BOC: variants seen among roughly 807,000 people sequenced by gnomAD.
BOC encodes BOC cell adhesion associated, oncogene regulated.
In BOC, 76 loss-of-function variants were observed where a neutral mutation model predicts 112.0. The ratio of observed to expected loss-of-function variants is 0.68; its 90% CI spans 0.56 to 0.82. The LOEUF (loss-of-function observed/expected upper bound fraction) is 0.82, where lower values mean the gene tolerates loss of function less well. Among genes scored for constraint, BOC ranks in the 40% least tolerant of loss-of-function variants. The pLI, the probability that BOC is intolerant of heterozygous loss-of-function variation, is 0.00. For synonymous variants in BOC, 580 were observed against 599.8 expected (o/e 0.97, Z 0.48); for missense variants, 1,309 against 1,511.7 (o/e 0.87, Z 2.22).
rs372622221 is a variant in BOC at position 113,279,859 on chromosome 3, A to G, written c.2059A>G (p.Met687Val). The G allele has an allele frequency of 1.2e-5, 20 of 1,611,854 alleles. No homozygotes were observed. Among genetic ancestry groups the G allele is most frequent in the Non-Finnish European group, 1.6e-5 (19 of 1,178,904 alleles). The change falls in exon 13 of 20, where the codon ATG becomes GTG. Residue 687 changes from methionine to valine, a missense_variant. Transcript: ENST00000682979. ...CAAGTTTCGAGTCCGGGCTCTGAAC[A>G]TGCTGGGGGAGAGCGAGCCCAGCGC... ...SYKFRVRALN[M>V]LGESEPSAPS...
At chr3:113,237,332 C>G (rs971103252) in intron 2 of BOC, among the ~76,000 whole-genome samples, 2 of 152,136 alleles carry the variant, frequency 1.3e-5, no homozygotes, top group African/African-American at 2.4e-5. Flanking sequence ...ATGCTCTTTT[C>G]TTGATCTTCT....
intron 4 of BOC, among the ~76,000 whole-genome samples, chr3:113,260,467 A>G (rs924839672): frequency 2.0e-5 from 3 of 152,162 alleles, no homozygotes; most frequent in Non-Finnish European, 2.9e-5. Context: ...CCTCAGGGAG[A>G]TGCCAGTGAA....
chr3:113,277,890 G>C (rs540418557), intron 9 of BOC, among the ~76,000 whole-genome samples: 1 of 152,368 alleles, frequency 6.6e-6, no homozygotes, highest in Non-Finnish European at 1.5e-5. Context: ...GAGGGATCAG[G>C]GAGCCTGACT....
chr3:113,224,617 C>T (rs1466788649), intron 2 of BOC, among the ~76,000 whole-genome samples: 1 of 152,152 alleles, frequency 6.6e-6, no homozygotes, highest in African/African-American at 2.4e-5. Context: ...GAAAAGCTCT[C>T]AGGGCTGAGG....
At chr3:113,277,989 C>A in intron 9 of BOC, 106 bp from the exon 10 acceptor site, 1 of 1,423,070 alleles carries the variant, frequency 7.0e-7, no homozygotes. Flanking sequence ...TATCGTCCTT[C>A]CCCTTCTCCT....
chr3:113,268,375 C>T lies in BOC; in HGVS notation c.453C>T (p.His151=), dbSNP rs963728246. 3 of 1,614,064 alleles carry T rather than the reference C, an allele frequency of 1.9e-6. No individual in the cohort carries two copies. The highest frequency in any genetic ancestry group is 2.5e-6 in the Non-Finnish European group (3 of 1,180,030). ...DEGNTAVIAC[H]LPESHPKAQV... is the part of the protein sequence containing the mutation. ...GAAACACAGCAGTCATTGCCTGCCA[C>T]CTGCCTGAGAGCCACCCCAAAGCCC... The change falls in exon 5 of 20, where the codon CAC becomes CAT. Residue 151 remains histidine, a synonymous_variant. Coordinates refer to ENST00000682979, the MANE Select transcript of BOC (RefSeq NM_001378074.1).
intron 2 of BOC, among the ~76,000 whole-genome samples, chr3:113,230,840 C>T (rs182419539): frequency 1.4e-3 from 219 of 152,316 alleles, no homozygotes; most frequent in African/African-American, 5.0e-3. Flanking sequence ...ACTTGCTCAA[C>T]ATGACTATTT....
At chr3:113,214,145 G>A (rs1938831848) in intron 1 of BOC, among the ~76,000 whole-genome samples, 1 of 152,210 alleles carries the variant, frequency 6.6e-6, no homozygotes, top group Non-Finnish European at 1.5e-5. Context: ...GAGGGAGGGT[G>A]TGGGGAAAAA....
At chr3:113,282,375 C>A (rs1048093313) in intron 15 of BOC, among the ~76,000 whole-genome samples, 2 of 152,118 alleles carry the variant, frequency 1.3e-5, no homozygotes, top group Non-Finnish European at 2.9e-5. Context: ...CCAGGGTCAG[C>A]TTGCATGCTA....
chr3:113,225,286 C>CAAAAAA (rs1359097470), intron 2 of BOC, among the ~76,000 whole-genome samples: 3 of 147,712 alleles, frequency 2.0e-5, no homozygotes, highest in Non-Finnish European at 4.5e-5. Context: ...AAAAAAACAA[C>CAAAAAA]AAAAAAAAAC....
chr3:113,214,510 G>C (rs1045187843), intron 1 of BOC, among the ~76,000 whole-genome samples: 13 of 152,188 alleles, frequency 8.5e-5, no homozygotes, highest in Non-Finnish European at 1.5e-4. Context: ...GTTTATCTCT[G>C]TGTCTTTCAA....
In BOC at chr3:113,281,059, C is replaced by T; in HGVS notation, c.2340C>T (p.His780=). 4 of 1,614,126 alleles carry T rather than the reference C, an allele frequency of 2.5e-6. No individual in the cohort carries two copies. The highest frequency in any genetic ancestry group is 3.4e-6 in the Non-Finnish European group (4 of 1,180,022). ...ACAAGTACTGGCACTCCATCAGCCA[C>T]CTGCAGCCAGAGACCTCCTACGACA... ...EGDKYWHSIS[H]LQPETSYDIK... The change falls in exon 15 of 20, where the codon CAC becomes CAT. Residue 780 remains histidine, a synonymous_variant. Coordinates refer to ENST00000682979, the MANE Select transcript of BOC (RefSeq NM_001378074.1).
intron 3 of BOC, 102 bp from the exon 4 acceptor site, chr3:113,250,453 G>C (rs1231632325): frequency 1.5e-6 from 2 of 1,370,988 alleles, no homozygotes; most frequent in Non-Finnish European, 2.0e-6. Flanking sequence ...AGCTTCTCTG[G>C]TGGCCACTTC....
chr3:113,224,235 A>G (rs1941265193), intron 2 of BOC, among the ~76,000 whole-genome samples: 1 of 152,186 alleles, frequency 6.6e-6, no homozygotes, highest in Non-Finnish European at 1.5e-5. Flanking sequence ...CCCAGGTTCC[A>G]GTGGTGTCTG....
At position 113,249,868 on chromosome 3, in the gene BOC, C is replaced by T. The variant is rs776534721; in HGVS notation, c.66C>T (p.Leu22=). 6.8e-6 allele frequency: 11 copies of T among 1,613,536 alleles called. No individual in the cohort carries two copies. The African/African-American group carries it at 8.0e-5, about 12-fold the overall frequency. The change falls in exon 3 of 20, where the codon CTC becomes CTT. Residue 22 remains leucine (L), a synonymous_variant. Coordinates refer to ENST00000682979, the MANE Select transcript of BOC (RefSeq NM_001378074.1). ...CTGAGGTCACACTGGCTTGCCTCCT[C>T]CTAGCCACAGCAGGCTGCTTTGCTG... The part of the protein sequence containing the change: ...MRPEVTLACL[L]LATAGCFADL...
At chr3:113,254,525 G>A (rs1040584441) in intron 4 of BOC, among the ~76,000 whole-genome samples, 4 of 152,226 alleles carry the variant, frequency 2.6e-5, no homozygotes, top group African/African-American at 4.8e-5. Flanking sequence ...AATAGGGGCT[G>A]TGTTTTGCTG....
chr3:113,279,781 G>A (rs772208428), intron 12 of BOC, 43 bp from the exon 13 acceptor site: 10 of 1,550,088 alleles, frequency 6.5e-6, no homozygotes, highest in Admixed American at 1.8e-5. Flanking sequence ...GAATCAGAAG[G>A]TATTTCCCAG....
At chr3:113,241,989 T>G (rs1280010891) in intron 2 of BOC, among the ~76,000 whole-genome samples, 6 of 148,890 alleles carry the variant, frequency 4.0e-5, no homozygotes, top group Non-Finnish European at 8.9e-5. Flanking sequence ...GGAGGTGGGG[T>G]AGAAAGGGGA....
At chr3:113,280,984 A>C in intron 14 of BOC, 47 bp from the exon 15 acceptor site, 1 of 1,604,226 alleles carries the variant, frequency 6.2e-7, no homozygotes, top group South Asian at 1.1e-5. Flanking sequence ...GGATCAAGAA[A>C]ACCATATACA....
Sources: allele counts gnomAD v4.1 joint callset (sites outside exome capture counted in the v4.1 genomes callset), GRCh38; gene constraint gnomAD v4.1.1; transcripts MANE v1.5; gene names NCBI Gene and HGNC (gene_info 2026-07-23, HGNC 2026-07-21).